The following DLC1 variants were observed in gnomAD, a reference collection of about 807,000 sequenced individuals.
DLC1 encodes the protein rho GTPase-activating protein 7.
DLC1 carries 54 observed loss-of-function variants against 140.3 expected under a neutral mutation model. That is an observed-to-expected ratio of 0.38 (90% CI 0.31 to 0.48). The LOEUF is 0.48. Among genes scored for constraint, DLC1 ranks in the 20% least tolerant of loss-of-function variants. The pLI, the probability that DLC1 is intolerant of heterozygous loss-of-function variation, is 0.96. For synonymous variants in DLC1, 986 were observed against 728.1 expected (o/e 1.35, Z -5.70); for missense variants, 2,536 against 1,907.0 (o/e 1.33, Z -6.14).
At chr8:13,110,273 C>G (rs1004970015) in intron 7 of DLC1, among the ~76,000 whole-genome samples, 46 of 152,064 alleles carry the variant, frequency 3.0e-4, no homozygotes, top group African/African-American at 1.1e-3. Context: ...ATGTTAAAGA[C>G]CATGCTGAGT....
intron 2 of DLC1, among the ~76,000 whole-genome samples, chr8:13,459,356 C>G (rs1799554492): frequency 6.6e-6 from 1 of 152,070 alleles, no homozygotes; most frequent in South Asian, 2.1e-4. Context: ...GTGGTCTTTT[C>G]AAAAAGATTC....
chr8:13,089,444 G>C (rs1817856345), intron 15 of DLC1, among the ~76,000 whole-genome samples: 1 of 151,856 alleles, frequency 6.6e-6, no homozygotes, highest in Non-Finnish European at 1.5e-5. Context: ...GGCCAATATG[G>C]TGAAACCCCG....
At chr8:13,109,476 G>A (rs1819879561) in intron 7 of DLC1, among the ~76,000 whole-genome samples, 1 of 152,096 alleles carries the variant, frequency 6.6e-6, no homozygotes, top group Non-Finnish European at 1.5e-5. Context: ...AGGATCACCT[G>A]TAGCTGGGAG....
intron 2 of DLC1, among the ~76,000 whole-genome samples, chr8:13,402,050 T>C (rs567569900): frequency 6.6e-6 from 1 of 152,186 alleles, no homozygotes; most frequent in Non-Finnish European, 1.5e-5. Context: ...TTTTGCAGTA[T>C]AGTAAAAACA....
intron 5 of DLC1, among the ~76,000 whole-genome samples, chr8:13,188,419 C>CAAAAAAAAAAAAAAA (rs1178090798): frequency 1.0e-4 from 6 of 58,980 alleles, no homozygotes; most frequent in Non-Finnish European, 1.5e-4. Flanking sequence ...GACTCCGTCT[C>CAAAAAAAAAAAAAAA]AAAAAAAAAA....
chr8:13,350,187 C>A (rs1276382448), intron 4 of DLC1, among the ~76,000 whole-genome samples: 3 of 152,138 alleles, frequency 2.0e-5, no homozygotes, highest in Non-Finnish European at 4.4e-5. Flanking sequence ...CTTCTTCTTA[C>A]AAAATATATT....
intron 5 of DLC1, among the ~76,000 whole-genome samples, chr8:13,293,698 A>T (rs866051963): frequency 6.6e-6 from 1 of 152,202 alleles, no homozygotes; most frequent in Non-Finnish European, 1.5e-5. Flanking sequence ...ATGAAATGCC[A>T]TAATAAATAT....
At chr8:13,482,860 TG>T (rs1327783178) in intron 2 of DLC1, among the ~76,000 whole-genome samples, 2 of 152,214 alleles carry the variant, frequency 1.3e-5, no homozygotes, top group Admixed American at 6.5e-5. Context: ...AAGGAGAGAA[TG>T]GTGACTAAGT....
At chr8:13,355,245 G>T (rs76857956) in intron 4 of DLC1, among the ~76,000 whole-genome samples, 3 of 152,162 alleles carry the variant, frequency 2.0e-5, no homozygotes, top group East Asian at 1.9e-4. Flanking sequence ...CAACACCTAG[G>T]GGGGCTAAGG....
chr8:13,594,688 A>T (rs1211042332), intron 1 of DLC1, among the ~76,000 whole-genome samples: 1 of 152,028 alleles, frequency 6.6e-6, no homozygotes, highest in Non-Finnish European at 1.5e-5. Flanking sequence ...AAGTGAAAGC[A>T]CATTTATTAG....
At chr8:13,312,324 G>GCACTCCA (rs1259153303) in intron 4 of DLC1, among the ~76,000 whole-genome samples, 1 of 112,202 alleles carries the variant, frequency 8.9e-6, no homozygotes, top group Non-Finnish European at 1.7e-5. Flanking sequence ...TCGCGCCACT[G>GCACTCCA]CACTCCAGCC....
chr8:13,127,663 T>C (rs571531335), intron 5 of DLC1, among the ~76,000 whole-genome samples: 1 of 152,254 alleles, frequency 6.6e-6, no homozygotes, highest in South Asian at 2.1e-4. Context: ...ATTTCACTTC[T>C]GAAGTCTCTT....
intron 2 of DLC1, among the ~76,000 whole-genome samples, chr8:13,407,324 G>T: frequency 6.6e-6 from 1 of 152,252 alleles, no homozygotes; most frequent in African/African-American, 2.4e-5. Context: ...TAAACAACAG[G>T]AGTCTCCTCT....
At position 13,579,340 on chromosome 8, in the gene DLC1, TATATATATATATATATATA is replaced by T. The variant is rs1229550757; in HGVS notation, c.-126+25178_-126+25196del. Among the ~76,000 whole-genome samples the T allele has an allele frequency of 8.4e-3, 430 of 51,400 alleles. 127 individuals are homozygous for T. Among genetic ancestry groups the T allele is most frequent in the Admixed American group, 0.015 (50 of 3,368 alleles). 33.7% of individuals were successfully genotyped at this position (51,400 alleles called of 152,430 possible). On this transcript the variant is annotated intron_variant, in intron 1 of 1. Transcript: ENST00000631382. ...TTATATATATATATATATATATATA[TATATATATATATATATATA>T]TATTTTTATATAATACATATTTATA... is the stretch of plus-strand genomic sequence containing the variant.
At chr8:13,387,843 T>C (rs747085451) in intron 4 of DLC1, among the ~76,000 whole-genome samples, 1 of 152,020 alleles carries the variant, frequency 6.6e-6, no homozygotes, top group Non-Finnish European at 1.5e-5. Context: ...ATTTATTATT[T>C]GTAGCAAAGA....
chr8:13,395,756 T>TGTGTGTGC (rs1197010865), intron 3 of DLC1, among the ~76,000 whole-genome samples: 1 of 140,972 alleles, frequency 7.1e-6, no homozygotes, highest in Non-Finnish European at 1.6e-5. Flanking sequence ...TGCATGTGTG[T>TGTGTGTGC]GTGTGCGTGT....
rs149102562 is a variant in DLC1 at position 13,535,330 on chromosome 8, A to G, written c.-125-35134T>C. 9.5e-3 allele frequency among the ~76,000 whole-genome samples: 1,444 copies of G among 152,216 alleles called. 9 individuals carry two copies. The highest frequency in any genetic ancestry group is 0.015 in the Non-Finnish European group (992 of 68,012). On this transcript the variant is annotated intron_variant, in intron 1 of 1. Transcript: ENST00000631382. ...AACATTTGAATGTAAGTGTGGGGAC[A>G]GGAGTGTTACAACCAGAAAGAAGCA...
intron 1 of DLC1, among the ~76,000 whole-genome samples, chr8:13,534,092 C>G (rs1400562966): frequency 6.6e-6 from 1 of 152,126 alleles, no homozygotes; most frequent in Non-Finnish European, 1.5e-5. Flanking sequence ...ATGTCATATT[C>G]TTGAATATTA....
At chr8:13,223,117 A>G (rs980391277) in intron 5 of DLC1, among the ~76,000 whole-genome samples, 1 of 152,072 alleles carries the variant, frequency 6.6e-6, no homozygotes, top group African/African-American at 2.4e-5. Flanking sequence ...AATCTTCTTA[A>G]ATATTTGTGC....
Sources: allele counts gnomAD v4.1 joint callset (sites outside exome capture counted in the v4.1 genomes callset), GRCh38; gene constraint gnomAD v4.1.1; transcripts MANE v1.5; gene names NCBI Gene and HGNC (gene_info 2026-07-23, HGNC 2026-07-21).